Variants in LARP1B observed in about 807,000 individuals in gnomAD.
LARP1B encodes the protein la-related protein 1B.
In LARP1B, 76 loss-of-function variants were observed where a neutral mutation model predicts 114.2. That is an observed-to-expected ratio of 0.67 (90% CI 0.55 to 0.81). LARP1B has a LOEUF of 0.81. LARP1B is among the 30% of genes least tolerant of loss of function. LARP1B has a pLI of 0.00. For synonymous variants in LARP1B, 345 were observed against 348.0 expected (o/e 0.99, Z 0.10); for missense variants, 1,014 against 1,075.8 (o/e 0.94, Z 0.80).
chr4:128,183,628 A>G (rs1749323373), intron 15 of LARP1B, among the ~76,000 whole-genome samples: 1 of 152,246 alleles, frequency 6.6e-6, no homozygotes, highest in African/African-American at 2.4e-5. Flanking sequence ...TCTGCAGTCC[A>G]TGGATTCCAA....
intron 4 of LARP1B, among the ~76,000 whole-genome samples, chr4:128,081,623 G>T (rs921225240): frequency 6.6e-6 from 1 of 152,066 alleles, no homozygotes; most frequent in Non-Finnish European, 1.5e-5. Context: ...CAACTATGGG[G>T]ATTGTACTTT....
chr4:128,122,903 T>C, intron 11 of LARP1B: 1 of 992,882 alleles, frequency 1.0e-6, no homozygotes, highest in Non-Finnish European at 1.2e-6. Flanking sequence ...GGTACAGATA[T>C]GGGGATAAAA....
intron 16 of LARP1B, 66 bp downstream of exon 16, chr4:128,199,665 A>G: frequency 1.2e-6 from 1 of 813,790 alleles, no homozygotes; most frequent in East Asian, 3.5e-5. Flanking sequence ...AAAAATTTAA[A>G]TGTTGTCATT....
chr4:128,075,022 T>TA, intron 3 of LARP1B, 29 bp downstream of exon 3: 2 of 1,415,582 alleles, frequency 1.4e-6, no homozygotes, highest in Non-Finnish European at 2.0e-6. Context: ...TTTTTTTTTT[T>TA]AAAGAAAGGA....
In LARP1B at chr4:128,199,367, T is replaced by C. The variant is rs1755219658; in HGVS notation, c.2004-72T>C. Reference sequence around the variant, plus strand: ...CTTAGACCCCCAATAATGAAAAAAATAGTACAAATTGGTTCATATACTTGG... The same window carrying C: ...CTTAGACCCCCAATAATGAAAAAAACAGTACAAATTGGTTCATATACTTGG... On this transcript the variant is annotated intron_variant, in intron 15 of 19. Transcript: ENST00000326639. 4.0e-6 allele frequency: 5 copies of C among 1,234,784 alleles called. No individual in the cohort carries two copies. The South Asian group carries it at 1.2e-4, about 29-fold the overall frequency. 76.5% of individuals were successfully genotyped at this position (1,234,784 alleles called of 1,614,324 possible).
At chr4:128,133,475 G>A (rs1792200483) in intron 11 of LARP1B, among the ~76,000 whole-genome samples, 1 of 152,120 alleles carries the variant, frequency 6.6e-6, no homozygotes, top group Non-Finnish European at 1.5e-5. Context: ...AATCCCAATG[G>A]CATTTTTTGC....
intron 15 of LARP1B, among the ~76,000 whole-genome samples, chr4:128,190,531 A>C (rs1421806631): frequency 1.3e-5 from 2 of 152,062 alleles, no homozygotes; most frequent in African/African-American, 4.8e-5. Context: ...GTAGGAGGTG[A>C]TTGGATCATG....
chr4:128,168,339 G>A (rs77141184), intron 12 of LARP1B, among the ~76,000 whole-genome samples: 28 of 151,700 alleles, frequency 1.8e-4, no homozygotes, highest in Non-Finnish European at 3.5e-4. Context: ...TGATGCTGTT[G>A]AGTATCTTTT....
intron 11 of LARP1B, among the ~76,000 whole-genome samples, chr4:128,128,953 A>G (rs1790549472): frequency 6.6e-6 from 1 of 152,054 alleles, no homozygotes; most frequent in African/African-American, 2.4e-5. Context: ...TCACGAGGTC[A>G]GGAGATCGAG....
chr4:128,204,528 G>A (rs758638552), intron 17 of LARP1B, among the ~76,000 whole-genome samples: 143 of 151,884 alleles, frequency 9.4e-4, no homozygotes, highest in Middle Eastern at 3.4e-3. Context: ...GGTGGCAGGC[G>A]CCTGTAATCC....
intron 12 of LARP1B, among the ~76,000 whole-genome samples, chr4:128,164,686 A>G (rs924793305): frequency 3.3e-5 from 5 of 152,266 alleles, no homozygotes; most frequent in Middle Eastern, 3.4e-3. Flanking sequence ...GTTGCAGGCC[A>G]TTGTGGCTCA....
intron 7 of LARP1B, chr4:128,092,670 T>G: frequency 8.5e-6 from 5 of 588,576 alleles, no homozygotes; most frequent in Non-Finnish European, 1.1e-5. Context: ...AGAAAATTTC[T>G]TTATCATCAT....
chr4:128,124,080 A>T (rs975579338), intron 11 of LARP1B, among the ~76,000 whole-genome samples: 3 of 152,120 alleles, frequency 2.0e-5, no homozygotes, highest in African/African-American at 7.2e-5. Context: ...TTAAAGGGAG[A>T]GAAATCAGTC....
intron 5 of LARP1B, among the ~76,000 whole-genome samples, chr4:128,083,304 C>A (rs1219789165): frequency 6.6e-6 from 1 of 152,192 alleles, no homozygotes; most frequent in African/African-American, 2.4e-5. Context: ...CCATTGTCAT[C>A]CTGGCCCGTT....
chr4:128,074,785 A>G, intron 2 of LARP1B, 149 bp from the exon 3 acceptor site: 1 of 576,232 alleles, frequency 1.7e-6, no homozygotes, highest in Non-Finnish European at 3.0e-6. Flanking sequence ...TATTGTTTGC[A>G]GAAACTTTTT....
chr4:128,191,296 C>T (rs900635361), intron 15 of LARP1B, among the ~76,000 whole-genome samples: 7 of 152,008 alleles, frequency 4.6e-5, no homozygotes, highest in Non-Finnish European at 1.0e-4. Flanking sequence ...GTCATAGTTC[C>T]GTGTTTGCTG....
chr4:128,136,513 A>G (rs1725394301), intron 11 of LARP1B, among the ~76,000 whole-genome samples: 1 of 152,208 alleles, frequency 6.6e-6, no homozygotes, highest in South Asian at 2.1e-4. Context: ...CTTCAAATAT[A>G]TGAAACAAAA....
chr4:128,105,283 T>C (rs563211624), intron 8 of LARP1B, among the ~76,000 whole-genome samples: 3 of 152,320 alleles, frequency 2.0e-5, no homozygotes, highest in Admixed American at 2.0e-4. Flanking sequence ...TATCATAGAT[T>C]AGATTAGTCT....
At chr4:128,089,795 G>A (rs1775176469) in intron 5 of LARP1B, among the ~76,000 whole-genome samples, 1 of 151,416 alleles carries the variant, frequency 6.6e-6, no homozygotes, top group Non-Finnish European at 1.5e-5. Context: ...ATTCTGAGAC[G>A]GAGTCTTGTT....
Sources: gnomAD v4.1 joint callset for allele counts (sites outside exome capture counted in the v4.1 genomes callset) on GRCh38, gnomAD v4.1.1 for gene constraint, MANE v1.5 for transcripts, NCBI Gene and HGNC (gene_info 2026-07-23, HGNC 2026-07-21) for gene names.